The following ERBB4 variants were observed in gnomAD, a reference collection of about 807,000 sequenced individuals.
ERBB4 encodes erb-b2 receptor tyrosine kinase 4.
In ERBB4, 42 loss-of-function variants were observed where a neutral mutation model predicts 158.0. The observed-to-expected ratio is 0.27, with a 90% CI of 0.21 to 0.34. ERBB4 has a LOEUF of 0.34. Among genes scored for constraint, ERBB4 ranks in the 10% least tolerant of loss-of-function variants. The pLI is 1.00. For synonymous variants in ERBB4, 583 were observed against 558.7 expected (o/e 1.04, Z -0.61); for missense variants, 1,333 against 1,624.1 (o/e 0.82, Z 3.08).
chr2:212,256,833 T>C (rs1197122188), intron 1 of ERBB4, among the ~76,000 whole-genome samples: 2 of 152,214 alleles, frequency 1.3e-5, no homozygotes, highest in Non-Finnish European at 2.9e-5. Flanking sequence ...TATTTTTCTT[T>C]GTCATAATCT....
chr2:211,433,563 AGAGT>A (rs939117055), intron 20 of ERBB4, among the ~76,000 whole-genome samples: 2 of 151,002 alleles, frequency 1.3e-5, no homozygotes, highest in Non-Finnish European at 2.9e-5. Context: ...CCTGGGCAAC[AGAGT>A]GAGACTCTCA....
intron 2 of ERBB4, among the ~76,000 whole-genome samples, chr2:212,050,066 G>C (rs992176243): frequency 1.3e-5 from 2 of 152,096 alleles, no homozygotes; most frequent in Admixed American, 1.3e-4. Context: ...AAAAAAAATG[G>C]GGAGAATCTT....
At chr2:211,580,907 A>ACACAT (rs58483804) in intron 19 of ERBB4, among the ~76,000 whole-genome samples, 2 of 91,816 alleles carry the variant, frequency 2.2e-5, no homozygotes, top group Non-Finnish European at 4.2e-5. Context: ...ATATATATAT[A>ACACAT]TATATATATG....
At chr2:211,930,905 G>T (rs1042617957) in intron 3 of ERBB4, among the ~76,000 whole-genome samples, 1 of 152,082 alleles carries the variant, frequency 6.6e-6, no homozygotes, top group Non-Finnish European at 1.5e-5. Flanking sequence ...ATTTAAAAGG[G>T]AGCAATGATT....
intron 2 of ERBB4, among the ~76,000 whole-genome samples, chr2:212,032,059 A>G (rs904461873): frequency 1.3e-5 from 2 of 152,106 alleles, no homozygotes; most frequent in African/African-American, 4.8e-5. Flanking sequence ...TTATTTTAGA[A>G]AAATATGCTG....
rs1466813318 is a variant in ERBB4 at position 211,615,891 on chromosome 2, A to G, written c.2301+3286T>C. Among the ~76,000 whole-genome samples, 4 of 152,238 alleles carry G rather than the reference A, an allele frequency of 2.6e-5. No individual in the cohort carries two copies. The East Asian group carries it at 7.7e-4, about 29-fold the overall frequency. ...GTTAGAGTGGAGAAAAGGGAGTCTA[A>G]TGATTAATAAGATTGTGCAATTTCC... On this transcript the variant is annotated intron_variant, in intron 19 of 27. Transcript: ENST00000342788.
At chr2:212,429,152 A>C (rs1003581360) in intron 1 of ERBB4, 3 of 152,232 alleles carry the variant, frequency 2.0e-5, no homozygotes, top group African/African-American at 7.2e-5. Flanking sequence ...AACAAAGAGA[A>C]ACTTACAAAT....
chr2:211,879,160 C>T (rs1336790543), intron 3 of ERBB4, among the ~76,000 whole-genome samples: 1 of 151,092 alleles, frequency 6.6e-6, no homozygotes, highest in Non-Finnish European at 1.5e-5. Flanking sequence ...AAATCCTAGA[C>T]AAAAATGACT....
chr2:212,284,612 T>G (rs1184419511), intron 1 of ERBB4, among the ~76,000 whole-genome samples: 2 of 152,130 alleles, frequency 1.3e-5, no homozygotes, highest in Non-Finnish European at 2.9e-5. Flanking sequence ...TTAGCTCATG[T>G]TTTTGAAGTA....
intron 20 of ERBB4, among the ~76,000 whole-genome samples, chr2:211,451,020 G>A (rs963403979): frequency 2.0e-5 from 3 of 152,198 alleles, no homozygotes; most frequent in Admixed American, 6.5e-5. Context: ...GAATATGTAC[G>A]ATAGTTAAGA....
chr2:212,453,069 C>G (rs966188196), intron 1 of ERBB4, among the ~76,000 whole-genome samples: 14 of 152,200 alleles, frequency 9.2e-5, no homozygotes, highest in Middle Eastern at 3.4e-3. Flanking sequence ...GCAAATCACT[C>G]GACTAGTCAA....
At chr2:212,147,469 T>C (rs2080720851) in intron 1 of ERBB4, among the ~76,000 whole-genome samples, 1 of 152,066 alleles carries the variant, frequency 6.6e-6, no homozygotes, top group East Asian at 1.9e-4. Context: ...CTAGACTAGA[T>C]TGCCTCTAAG....
rs1274585051 is a variant in ERBB4, at chr2:212,373,791, A to G, written c.82+164658T>C. On this transcript the variant is annotated intron_variant, in intron 1 of 27. Coordinates refer to ENST00000342788, the MANE Select transcript of ERBB4 (RefSeq NM_005235.3). The stretch of plus-strand genomic sequence containing the variant: ...TATATATCCATGTATATATCCACGT[A>G]TATATATCCATATATATATCCATGT... 6.8e-3 allele frequency among the ~76,000 whole-genome samples: 683 copies of G among 100,950 alleles called. 36 individuals carry two copies. Among genetic ancestry groups the G allele is most frequent in the Non-Finnish European group, 0.012 (521 of 44,362 alleles). 66.2% of individuals were successfully genotyped at this position (100,950 alleles called of 152,430 possible).
chr2:211,667,007 A>C (rs549291742), intron 14 of ERBB4, among the ~76,000 whole-genome samples: 5 of 152,154 alleles, frequency 3.3e-5, no homozygotes, highest in Non-Finnish European at 7.4e-5. Context: ...AGGAGTGTCC[A>C]GTGTTTTGGC....
At chr2:212,156,767 A>G (rs1157892254) in intron 1 of ERBB4, among the ~76,000 whole-genome samples, 1 of 152,062 alleles carries the variant, frequency 6.6e-6, no homozygotes, top group Non-Finnish European at 1.5e-5. Flanking sequence ...ACCTCCATCC[A>G]ATCAGTTGTC....
At chr2:211,760,836 T>A (rs7569623) in intron 4 of ERBB4, among the ~76,000 whole-genome samples, 6,566 of 152,260 alleles carry the variant, frequency 0.043, 368 homozygotes, top group African/African-American at 0.12. Context: ...GCGCAGTAGG[T>A]ATTTTATATA....
chr2:212,284,549 T>G (rs2085886638), intron 1 of ERBB4, among the ~76,000 whole-genome samples: 1 of 152,080 alleles, frequency 6.6e-6, no homozygotes, highest in South Asian at 2.1e-4. Flanking sequence ...GATAAAAGAT[T>G]TCTGGGGCAT....
intron 1 of ERBB4, among the ~76,000 whole-genome samples, chr2:212,366,597 T>C (rs2089898710): frequency 6.6e-6 from 1 of 152,004 alleles, no homozygotes; most frequent in Non-Finnish European, 1.5e-5. Context: ...ATTTCTGAAA[T>C]ATTTCCAGGT....
chr2:212,482,567 A>G (rs866454734), intron 1 of ERBB4, among the ~76,000 whole-genome samples: 1 of 152,222 alleles, frequency 6.6e-6, no homozygotes, highest in Non-Finnish European at 1.5e-5. Context: ...GAGAAATTTA[A>G]CAAGATACTT....
Sources: gnomAD v4.1 joint callset for allele counts (sites outside exome capture counted in the v4.1 genomes callset) on GRCh38, gnomAD v4.1.1 for gene constraint, MANE v1.5 for transcripts, NCBI Gene and HGNC (gene_info 2026-07-23, HGNC 2026-07-21) for gene names.